The following SCN1A variants were observed in gnomAD, a reference collection of about 807,000 sequenced individuals.
SCN1A encodes the protein sodium channel protein type 1 subunit alpha.
Under a neutral mutation model 193.7 loss-of-function variants are expected in SCN1A, and 13 were observed. The observed-to-expected ratio is 0.07, with a 90% CI of 0.04 to 0.11. The LOEUF is 0.11. Ranked by LOEUF, SCN1A falls within the 10% of genes least tolerant of loss-of-function variation. The pLI is 1.00. For missense variants in SCN1A, 1,432 were observed against 2,451.1 expected, an observed-to-expected ratio of 0.58 and a Z score of 8.78; for synonymous variants, 781 against 843.6, an observed-to-expected ratio of 0.93 and a Z score of 1.29.
intron 19 of SCN1A, 33 bp downstream of exon 19, chr2:166,036,015 T>C: frequency 6.2e-7 from 1 of 1,601,804 alleles, no homozygotes; most frequent in Non-Finnish European, 8.5e-7. Context: ...TATGTATATG[T>C]ATTCATACCT....
intron 19 of SCN1A, 140 bp downstream of exon 19, chr2:166,035,908 G>C: frequency 1.2e-6 from 1 of 813,522 alleles, no homozygotes; most frequent in South Asian, 1.7e-5. Flanking sequence ...CTAGTGAATG[G>C]CTATTGCTTT....
chr2:166,134,595 T>C (rs1691783749), intron 1 of SCN1A, among the ~76,000 whole-genome samples: 1 of 152,224 alleles, frequency 6.6e-6, no homozygotes, highest in South Asian at 2.1e-4. Flanking sequence ...GCACGAGCTC[T>C]GGGTATGCAG....
chr2:166,017,865 A>G (rs550844468), intron 19 of SCN1A, among the ~76,000 whole-genome samples: 2 of 152,046 alleles, frequency 1.3e-5, no homozygotes, highest in Non-Finnish European at 2.9e-5. Context: ...TGATCCCCAC[A>G]TAGTTTTCCA....
chr2:166,071,017 C>G (rs1194785626), intron 4 of SCN1A, among the ~76,000 whole-genome samples: 1 of 152,100 alleles, frequency 6.6e-6, no homozygotes, highest in Non-Finnish European at 1.5e-5. Flanking sequence ...AGCAAAAGGC[C>G]TGTTGAGGAT....
intron 2 of SCN1A, among the ~76,000 whole-genome samples, chr2:166,084,224 T>C (rs1318188119): frequency 2.7e-5 from 4 of 150,184 alleles, no homozygotes; most frequent in Non-Finnish European, 4.4e-5. Context: ...TTTTCTTTTT[T>C]TTTTTTTTTT....
At chr2:166,084,720 A>G (rs888728348) in intron 2 of SCN1A, among the ~76,000 whole-genome samples, 6 of 152,062 alleles carry the variant, frequency 3.9e-5, no homozygotes, top group African/African-American at 1.4e-4. Flanking sequence ...CAGTGTGCAA[A>G]TCCTTTCAGG....
At chr2:166,014,501 T>C (rs1692983325) in intron 20 of SCN1A, among the ~76,000 whole-genome samples, 1 of 151,360 alleles carries the variant, frequency 6.6e-6, no homozygotes, top group Admixed American at 6.6e-5. Context: ...CTGAGTACCA[T>C]TGTAAGCACA....
At chr2:166,121,671 A>T (rs551111901) in intron 2 of SCN1A, among the ~76,000 whole-genome samples, 1 of 152,326 alleles carries the variant, frequency 6.6e-6, no homozygotes, top group East Asian at 1.9e-4. Context: ...ATGAAAATCC[A>T]TCATTTATAA....
intron 9 of SCN1A, among the ~76,000 whole-genome samples, chr2:166,050,639 G>GTATATATATATATA (rs1174601104): frequency 2.5e-5 from 1 of 40,810 alleles, no homozygotes; most frequent in Non-Finnish European, 4.5e-5. Flanking sequence ...ATATATATAT[G>GTATATATATATATA]TGTGTATATA....
rs550612338 is a variant in SCN1A, at chr2:165,998,245, T to C, written c.4339-70A>G. 244 of 1,319,244 alleles carry C rather than the reference T, an allele frequency of 1.8e-4. 2 individuals are homozygous for C. In the East Asian group the frequency reaches 5.7e-3, roughly 31 times the overall value. 81.7% of individuals were successfully genotyped at this position (1,319,244 alleles called of 1,614,324 possible). A position where few individuals can be genotyped will look rare whatever the true frequency, so the allele number is the denominator to read the frequency against. On this transcript the variant is annotated intron_variant, in intron 25 of 28. Coordinates refer to ENST00000674923, the MANE Select transcript of SCN1A (RefSeq NM_001165963.4). Reference sequence around the variant, plus strand: ...TGCTGGAAATGTCACTGGTGCTTTTTCATAACAATAGAAAAAATTATTCTT... The same window carrying C: ...TGCTGGAAATGTCACTGGTGCTTTTCCATAACAATAGAAAAAATTATTCTT...
intron 2 of SCN1A, among the ~76,000 whole-genome samples, chr2:166,118,302 C>CTTTTTTTT (rs61002916): frequency 2.5e-5 from 2 of 81,070 alleles, no homozygotes; most frequent in African/African-American, 1.0e-4. Context: ...TATTTAGTTT[C>CTTTTTTTT]TTTTTTTTTT....
intron 18 of SCN1A, 71 bp downstream of exon 18, chr2:166,037,705 G>T: frequency 7.6e-7 from 1 of 1,322,640 alleles, no homozygotes; most frequent in Non-Finnish European, 1.1e-6. Context: ...ACAATGTGCA[G>T]GTTAGTTACA....
At position 166,002,465 on chromosome 2, in the gene SCN1A, C is replaced by T. The variant is rs745918943; in HGVS notation, c.4284+7G>A. 6.8e-6 allele frequency: 11 copies of T among 1,608,838 alleles called. No homozygotes were observed. In the East Asian group the frequency reaches 8.9e-5, roughly 13 times the overall value. On this transcript the variant is annotated splice_region_variant and intron_variant, in intron 24 of 28. Coordinates refer to ENST00000674923, the MANE Select transcript of SCN1A (RefSeq NM_001165963.4). ...AAAAATATTCAGAGAAAATAGTGTT[C>T]ACTTACAACTTGAAGCAAAGAGAGA...
At chr2:166,065,077 A>G (rs930262262) in intron 4 of SCN1A, among the ~76,000 whole-genome samples, 1 of 152,190 alleles carries the variant, frequency 6.6e-6, no homozygotes, top group Non-Finnish European at 1.5e-5. Flanking sequence ...AGGTCTATCA[A>G]ACTGTTAATG....
intron 13 of SCN1A, among the ~76,000 whole-genome samples, 170 bp from the exon 14 acceptor site, chr2:166,044,219 C>A (rs1697523033): frequency 6.6e-6 from 1 of 152,026 alleles, no homozygotes; most frequent in South Asian, 2.1e-4. Flanking sequence ...AATTAAATTA[C>A]CTTGATAAAA....
intron 2 of SCN1A, among the ~76,000 whole-genome samples, chr2:166,110,984 C>T (rs1559349972): frequency 6.6e-6 from 1 of 152,078 alleles, no homozygotes; most frequent in Non-Finnish European, 1.5e-5. Flanking sequence ...TTGAGGCCTC[C>T]CTAGCCATGT....
intron 2 of SCN1A, among the ~76,000 whole-genome samples, chr2:166,093,501 G>C (rs1350894757): frequency 3.9e-5 from 6 of 152,036 alleles, no homozygotes; most frequent in Admixed American, 2.6e-4. Context: ...ACCACGCCCA[G>C]CTAATTTTTT....
At position 165,992,347 on chromosome 2, in the gene SCN1A, A is replaced by G; in HGVS notation, c.4928T>C (p.Ile1643Thr). Reference sequence around the variant, plus strand: ...TTTGATCAGACGTAGGATTCGGCCAATCCTAGCAAGACGGATCACTCGGAA... The same window carrying G: ...TTTGATCAGACGTAGGATTCGGCCAGTCCTAGCAAGACGGATCACTCGGAA... ...TLFRVIRLAR[I>T]GRILRLIKGA... The change falls in exon 29 of 29, where the codon ATT (isoleucine) becomes ACT (threonine). Residue 1643 changes from isoleucine (I) to threonine (T), a missense_variant. By Grantham distance (89) the Ile-to-Thr change is moderately conservative. Around this residue, in one of 18 missense-constraint regions of SCN1A, gnomAD observed 85 missense variants for 213.2 expected, o/e 0.40. Coordinates refer to ENST00000674923, the MANE Select transcript of SCN1A (RefSeq NM_001165963.4). This position sits in a 1 kb window ranked among gnomAD's most constrained non-coding sequence, Gnocchi z 6.5. The G allele has an allele frequency of 6.2e-7, 1 of 1,613,764 alleles. No homozygotes were observed. The highest frequency in any genetic ancestry group is 8.5e-7 in the Non-Finnish European group (1 of 1,179,814).
At position 166,002,511 on chromosome 2, in the gene SCN1A, A is replaced by G; in HGVS notation, c.4245T>C (p.Phe1415=). 1.9e-6 allele frequency: 3 copies of G among 1,611,644 alleles called. No individual in the cohort carries two copies. Among genetic ancestry groups the G allele is most frequent in the Non-Finnish European group, 1.7e-6 (2 of 1,178,542 alleles). ...TARWKNVKVN[F]DNVGFGYLSL... is the part of the protein sequence containing the mutation. Reference sequence around the variant, plus strand: ...AGAGATACCCAAATCCTACATTATCAAAGTTTACTTTCACATTTTTCCATC... The same window carrying G: ...AGAGATACCCAAATCCTACATTATCGAAGTTTACTTTCACATTTTTCCATC... Residue 1415 remains phenylalanine, a synonymous_variant, in exon 24 of 29, where the codon TTT becomes TTC. Coordinates refer to ENST00000674923, the MANE Select transcript of SCN1A (RefSeq NM_001165963.4).
Sources: gnomAD v4.1 joint callset for allele counts (sites outside exome capture counted in the v4.1 genomes callset) on GRCh38, gnomAD v4.1.1 for gene constraint, gnomAD v4.1.1 regional missense constraint, Gnocchi (gnomAD v3.1) non-coding constraint, MANE v1.5 for transcripts, NCBI Gene and HGNC (gene_info 2026-07-23, HGNC 2026-07-21) for gene names.